Variants in EML5 observed in about 807,000 individuals in gnomAD.
EML5 encodes EMAP like 5, also known as echinoderm microtubule-associated protein-like 5.
Under a neutral mutation model 250.0 loss-of-function variants are expected in EML5, and 120 were observed. That is an observed-to-expected ratio of 0.48 (90% CI 0.41 to 0.56). The LOEUF (loss-of-function observed/expected upper bound fraction) is 0.56. Among genes scored for constraint, EML5 ranks in the 20% least tolerant of loss-of-function variants. EML5 has a pLI of 0.00. For missense variants in EML5, 2,006 were observed against 2,437.6 expected (o/e 0.82, Z 3.73); for synonymous variants, 771 against 806.5 (o/e 0.96, Z 0.75).
At chr14:88,676,894 C>CTATT (rs374192897) in intron 21 of EML5, among the ~76,000 whole-genome samples, 104 of 152,094 alleles carry the variant, frequency 6.8e-4, no homozygotes, top group African/African-American at 2.4e-3. Context: ...AGAGGATTTC[C>CTATT]TATTTATTTG....
At chr14:88,631,993 T>C (rs1173093740) in intron 33 of EML5, among the ~76,000 whole-genome samples, 1 of 152,234 alleles carries the variant, frequency 6.6e-6, no homozygotes, top group Non-Finnish European at 1.5e-5. Flanking sequence ...CTTCCTTATT[T>C]TTCCATCCCC....
At position 88,715,110 on chromosome 14, in the gene EML5, C is replaced by G; in HGVS notation, c.1273G>C (p.Val425Leu). Residue 425 changes from valine to leucine, a missense_variant, in exon 9 of 44, where the codon GTT becomes CTT. Val to Leu is a conservative substitution (Grantham distance 32, BLOSUM62 1). This residue lies in a region of EML5 where 1,375 missense variants were observed against 1,590.3 expected (regional missense o/e 0.86). Transcript: ENST00000554922. ...TCAACCGAGCTGTCATTGCATCCAA[C>G]AGCAAGGTAAGTTCCATCTGGTGAA... The part of the protein sequence containing the change: ...KYSPDGTYLA[V>L]GCNDSSVDIY... 6.2e-7 allele frequency: 1 copy of G among 1,613,440 alleles called. No individual in the cohort carries two copies. Among genetic ancestry groups the G allele is most frequent in the South Asian group, 1.1e-5 (1 of 90,998 alleles).
chr14:88,752,295 G>A (rs927503618), intron 2 of EML5, among the ~76,000 whole-genome samples: 1 of 152,128 alleles, frequency 6.6e-6, no homozygotes, highest in African/African-American at 2.4e-5. Context: ...TGTTATAGAT[G>A]CTTATAATTA....
At chr14:88,784,501 A>G (rs1180413559) in intron 1 of EML5, among the ~76,000 whole-genome samples, 1 of 152,206 alleles carries the variant, frequency 6.6e-6, no homozygotes, top group Admixed American at 6.5e-5. Flanking sequence ...AGTGGCTTCT[A>G]TGACCAACTC....
chr14:88,637,133 T>G (rs2090784004), intron 32 of EML5, among the ~76,000 whole-genome samples: 1 of 152,222 alleles, frequency 6.6e-6, no homozygotes, highest in Non-Finnish European at 1.5e-5. Context: ...ATTCTCTTTA[T>G]GTGTGAGGAG....
chr14:88,755,272 T>C (rs1289505978), intron 1 of EML5, among the ~76,000 whole-genome samples: 1 of 152,226 alleles, frequency 6.6e-6, no homozygotes, highest in Non-Finnish European at 1.5e-5. Flanking sequence ...AGAGAGCAAT[T>C]GGATCACAGC....
intron 11 of EML5, 138 bp from the exon 12 acceptor site, chr14:88,705,726 A>C: frequency 1.4e-6 from 1 of 701,762 alleles, no homozygotes; most frequent in Non-Finnish European, 2.5e-6. Flanking sequence ...TTACCTATTC[A>C]AGTGACACAG....
At chr14:88,772,250 C>T (rs1309650774) in intron 1 of EML5, among the ~76,000 whole-genome samples, 3 of 152,198 alleles carry the variant, frequency 2.0e-5, no homozygotes, top group Admixed American at 6.5e-5. Flanking sequence ...TCTGAACCAG[C>T]ATTCATCTTA....
At chr14:88,763,686 T>G (rs1392073103) in intron 1 of EML5, among the ~76,000 whole-genome samples, 1 of 152,118 alleles carries the variant, frequency 6.6e-6, no homozygotes, top group Non-Finnish European at 1.5e-5. Context: ...TACCAAAACA[T>G]GGCAGAGACA....
chr14:88,634,522 T>C (rs1256133274), intron 32 of EML5, 33 bp from the exon 33 acceptor site: 37 of 1,311,002 alleles, frequency 2.8e-5, no homozygotes, highest in Non-Finnish European at 3.8e-5. Context: ...ATAAATAACA[T>C]AAATCTGTAA....
intron 7 of EML5, among the ~76,000 whole-genome samples, chr14:88,731,610 T>C (rs546200186): frequency 1.3e-5 from 2 of 152,298 alleles, no homozygotes; most frequent in South Asian, 2.1e-4. Context: ...AGTGGAATGG[T>C]ATTTCTAGTT....
intron 28 of EML5, among the ~76,000 whole-genome samples, 192 bp from the exon 29 acceptor site, chr14:88,647,147 G>A (rs1162327655): frequency 6.6e-6 from 1 of 152,146 alleles, no homozygotes; most frequent in African/African-American, 2.4e-5. Context: ...AGGATCACGA[G>A]GTCAGGAGTT....
intron 2 of EML5, among the ~76,000 whole-genome samples, chr14:88,750,184 T>G (rs1312812973): frequency 6.6e-6 from 1 of 152,134 alleles, no homozygotes; most frequent in Non-Finnish European, 1.5e-5. Context: ...GGTAGCAGAT[T>G]GCCTAGGTTT....
At chr14:88,722,004 T>C (rs1173556798) in intron 8 of EML5, among the ~76,000 whole-genome samples, 1 of 151,832 alleles carries the variant, frequency 6.6e-6, no homozygotes, top group East Asian at 1.9e-4. Flanking sequence ...CCAACAAACA[T>C]ATGAAAAAAA....
chr14:88,742,301 T>C (rs1006195304), intron 4 of EML5, among the ~76,000 whole-genome samples: 2 of 152,094 alleles, frequency 1.3e-5, no homozygotes, highest in Non-Finnish European at 2.9e-5. Context: ...ACTAGATACA[T>C]AAGCATATGA....
intron 1 of EML5, among the ~76,000 whole-genome samples, chr14:88,775,969 C>A (rs1002259343): frequency 6.6e-6 from 1 of 150,676 alleles, no homozygotes; most frequent in Non-Finnish European, 1.5e-5. Context: ...TAAGAGTGTG[C>A]CTGCCTGGTA....
chr14:88,702,775 G>C, intron 13 of EML5, 143 bp from the exon 14 acceptor site: 4 of 586,630 alleles, frequency 6.8e-6, no homozygotes, highest in Non-Finnish European at 1.1e-5. Flanking sequence ...TTTTTCAAGA[G>C]ATGGGGTCTC....
intron 1 of EML5, among the ~76,000 whole-genome samples, chr14:88,762,945 G>A (rs961891140): frequency 2.8e-4 from 42 of 151,940 alleles, no homozygotes; most frequent in Admixed American, 2.2e-3. Context: ...GCAGAAATAC[G>A]TTCTTTGAAA....
intron 1 of EML5, among the ~76,000 whole-genome samples, chr14:88,791,444 G>T (rs2094607340): frequency 6.6e-6 from 1 of 152,162 alleles, no homozygotes; most frequent in Non-Finnish European, 1.5e-5. Context: ...GGCCTAGAAT[G>T]ATTTCTGAAG....
Sources: allele counts gnomAD v4.1 joint callset (sites outside exome capture counted in the v4.1 genomes callset), GRCh38; gene constraint gnomAD v4.1.1; regional missense constraint gnomAD v4.1.1; transcripts MANE v1.5; gene names NCBI Gene and HGNC (gene_info 2026-07-23, HGNC 2026-07-21).